The following PHACTR2 variants were observed in gnomAD, a reference collection of about 807,000 sequenced individuals.
The protein encoded by PHACTR2 is chromosome 6 open reading frame 56.
PHACTR2 carries 30 observed loss-of-function variants against 76.0 expected under a neutral mutation model. The ratio of observed to expected loss-of-function variants is 0.39; its 90% CI spans 0.30 to 0.54. The LOEUF (loss-of-function observed/expected upper bound fraction) is 0.54. Ranked by LOEUF, PHACTR2 falls within the 20% of genes least tolerant of loss-of-function variation. The pLI is 0.61. For synonymous variants in PHACTR2, 292 were observed against 292.5 expected (o/e 1.00, Z 0.02); for missense variants, 696 against 781.1 (o/e 0.89, Z 1.30).
rs891330214 is a variant in PHACTR2 at position 143,801,327 on chromosome 6, G to C, written c.1846-5730G>C. Reference sequence around the variant, plus strand: ...GGTTCTATTCTCCCCATCACTTTCAGGTACACCAATCAAACGTAGATTTGG... The same window carrying C: ...GGTTCTATTCTCCCCATCACTTTCACGTACACCAATCAAACGTAGATTTGG... On this transcript the variant is annotated intron_variant, in intron 11 of 12. Coordinates refer to ENST00000440869, the MANE Select transcript of PHACTR2 (RefSeq NM_001100164.2). The surrounding 1 kb of genome is among the most constrained non-coding windows in gnomAD (Gnocchi z 4.6). Among the ~76,000 whole-genome samples, 1 of 152,118 alleles carries C rather than the reference G, an allele frequency of 6.6e-6. No homozygotes were observed. Among genetic ancestry groups the C allele is most frequent in the Admixed American group, 6.5e-5 (1 of 15,270 alleles).
chr6:143,735,875 C>T (rs1778806031), intron 2 of PHACTR2, among the ~76,000 whole-genome samples: 1 of 151,876 alleles, frequency 6.6e-6, no homozygotes, highest in Non-Finnish European at 1.5e-5. Context: ...GTAGTTTTTC[C>T]TAAAAAAATT....
upstream of PHACTR2, among the ~76,000 whole-genome samples, chr6:143,606,105 C>G (rs1373564065): frequency 6.6e-6 from 1 of 152,066 alleles, no homozygotes; most frequent in African/African-American, 2.4e-5. Flanking sequence ...ATGAATCACT[C>G]CTAGCAGGAT....
At position 143,658,352 on chromosome 6, in the gene PHACTR2, A is replaced by G. The variant is rs1776886527; in HGVS notation, c.13+50030A>G. On this transcript the variant is annotated intron_variant, in intron 1 of 11. Coordinates refer to the PHACTR2 transcript ENST00000305766. This position sits in a 1 kb window ranked among gnomAD's most constrained non-coding sequence, Gnocchi z 4.1. ...AACTTAACCTGAAGTTGACCTCCTTAATGATAAGGTTCTCCTGTGCAGTAT... is the reference window on the plus strand; with the variant it reads ...AACTTAACCTGAAGTTGACCTCCTTGATGATAAGGTTCTCCTGTGCAGTAT... 6.6e-6 allele frequency among the ~76,000 whole-genome samples: 1 copy of G among 152,206 alleles called. No individual in the cohort carries two copies. The highest frequency in any genetic ancestry group is 2.1e-4 in the South Asian group (1 of 4,832).
rs1417996314 is a variant in PHACTR2 at position 143,775,370 on chromosome 6, T to C, written c.1589+1155T>C. 6.6e-6 allele frequency among the ~76,000 whole-genome samples: 1 copy of C among 152,164 alleles called. No homozygotes were observed. The highest frequency in any genetic ancestry group is 1.9e-4 in the East Asian group (1 of 5,202). On this transcript the variant is annotated intron_variant, in intron 8 of 12. Transcript: ENST00000440869. This position sits in a 1 kb window ranked among gnomAD's most constrained non-coding sequence, Gnocchi z 4.4. The stretch of plus-strand genomic sequence containing the variant: ...TCGTCTTCTTAATTCAGCCCTAACC[T>C]GTGACCATTTCTGGCTTCGGGAAAA...
intron 2 of PHACTR2, among the ~76,000 whole-genome samples, chr6:143,729,228 A>G (rs367640720): frequency 3.9e-5 from 6 of 152,060 alleles, no homozygotes; most frequent in African/African-American, 1.4e-4. Context: ...ATTTCTTTAT[A>G]TATTCTAGAT....
Position 143,795,894 on chromosome 6 carries a change from T to A in PHACTR2, c.1845+6984T>A, listed in dbSNP as rs960370309. Among the ~76,000 whole-genome samples the A allele has an allele frequency of 2.0e-5, 3 of 152,232 alleles. No individual in the cohort carries two copies. Among genetic ancestry groups the A allele is most frequent in the Non-Finnish European group, 2.9e-5 (2 of 68,034 alleles). On this transcript the variant is annotated intron_variant, in intron 11 of 12. Coordinates refer to ENST00000440869, the MANE Select transcript of PHACTR2 (RefSeq NM_001100164.2). This position sits in a 1 kb window ranked among gnomAD's most constrained non-coding sequence, Gnocchi z 4.8. Reference sequence around the variant, plus strand: ...GTCAGGGATGAGAAGCCAAGCTTTGTTCCCCATTGGTGATATTTTCACCGT... The same window carrying A: ...GTCAGGGATGAGAAGCCAAGCTTTGATCCCCATTGGTGATATTTTCACCGT...
intron 1 of PHACTR2, among the ~76,000 whole-genome samples, chr6:143,603,077 G>A (rs773957458): frequency 3.3e-4 from 49 of 149,642 alleles, no homozygotes; most frequent in African/African-American, 1.1e-3. Flanking sequence ...TCCATGAGAC[G>A]GAGGCTGCAG....
At chr6:143,634,784 C>T (rs571271808) in intron 1 of PHACTR2, among the ~76,000 whole-genome samples, 1 of 152,192 alleles carries the variant, frequency 6.6e-6, no homozygotes, top group African/African-American at 2.4e-5. Flanking sequence ...ATTTGCTCAC[C>T]GTCTATGGCT....
At chr6:143,545,554 T>G (rs1402085102) in intron 1 of PHACTR2, among the ~76,000 whole-genome samples, 3 of 152,160 alleles carry the variant, frequency 2.0e-5, no homozygotes, top group African/African-American at 7.2e-5. Flanking sequence ...GAGAGAACAG[T>G]GTATCAGCTC....
intron 1 of PHACTR2, among the ~76,000 whole-genome samples, chr6:143,705,622 G>T (rs1778035848): frequency 6.6e-6 from 1 of 152,114 alleles, no homozygotes; most frequent in Non-Finnish European, 1.5e-5. Context: ...GAGATGTACT[G>T]GTCAGGTATT....
In PHACTR2 at chr6:143,813,414, T is replaced by C. The variant is rs570489241; in HGVS notation, c.1922+6281T>C. ...GTCGGTGGATCACGAGGTCAGGAGA[T>C]TGAGATCATCCTGGCTAACACGGTG... is the stretch of plus-strand genomic sequence containing the variant. On this transcript the variant is annotated intron_variant, in intron 12 of 12. Coordinates refer to ENST00000440869, the MANE Select transcript of PHACTR2 (RefSeq NM_001100164.2). 3.9e-5 allele frequency among the ~76,000 whole-genome samples: 6 copies of C among 152,052 alleles called. No homozygotes were observed. The South Asian group carries it at 1.0e-3, about 26-fold the overall frequency.
intron 1 of PHACTR2, among the ~76,000 whole-genome samples, chr6:143,544,304 G>A (rs1180715422): frequency 6.9e-6 from 1 of 144,732 alleles, no homozygotes; most frequent in South Asian, 2.2e-4. Context: ...TTTGATTCAA[G>A]AAGTTTGTTA....
intron 1 of PHACTR2, among the ~76,000 whole-genome samples, chr6:143,601,894 A>G (rs1042348287): frequency 6.6e-6 from 1 of 152,294 alleles, no homozygotes; most frequent in Admixed American, 6.5e-5. Flanking sequence ...TTTTTAAAAA[A>G]TTTTTAATTA....
At position 143,765,387 on chromosome 6, in the gene PHACTR2, C is replaced by A; in HGVS notation, c.821C>A (p.Thr274Asn). 1.9e-6 allele frequency: 3 copies of A among 1,614,190 alleles called. No homozygotes were observed. Among genetic ancestry groups the A allele is most frequent in the Non-Finnish European group, 8.5e-7 (1 of 1,180,032 alleles). Residue 274 changes from threonine to asparagine, a missense_variant, in exon 6 of 13, where the codon ACC (threonine) becomes AAC (asparagine). Thr to Asn is a moderately conservative substitution (Grantham distance 65). Coordinates refer to ENST00000440869, the MANE Select transcript of PHACTR2 (RefSeq NM_001100164.2). The surrounding 1 kb of genome is among the most constrained non-coding windows in gnomAD (Gnocchi z 4.1). Reference protein sequence around the residue: ...TVSSKAGTVGTTKGKRKTDKQ... With the variant: ...TVSSKAGTVGNTKGKRKTDKQ... ...TCTAGCAAAGCAGGGACAGTGGGGA[C>A]CACCAAGGGCAAGAGAAAAACTGAC...
intron 1 of PHACTR2, among the ~76,000 whole-genome samples, chr6:143,555,467 T>C (rs188639763): frequency 6.1e-4 from 93 of 152,280 alleles, no homozygotes; most frequent in African/African-American, 2.1e-3. Context: ...CAATCCTTGG[T>C]ATTAATTCTG....
chr6:143,618,256 A>ACTTCCTGCTCCAAAC lies in PHACTR2; in HGVS notation c.13+9934_13+9935insCTTCCTGCTCCAAAC. On this transcript the variant is annotated intron_variant, in intron 1 of 11. Coordinates refer to the PHACTR2 transcript ENST00000305766. This position sits in a 1 kb window ranked among gnomAD's most constrained non-coding sequence, Gnocchi z 5.2. Reference sequence around the variant, plus strand: ...GTTCCACCTTGTACTTCCTGCTCCAAACACACACACACACACACACACACA... The same window carrying ACTTCCTGCTCCAAAC: ...GTTCCACCTTGTACTTCCTGCTCCAACTTCCTGCTCCAAACACACACACACACACACACACACACA... Among the ~76,000 whole-genome samples, 1 of 145,216 alleles carries ACTTCCTGCTCCAAAC rather than the reference A, an allele frequency of 6.9e-6. No homozygotes were observed. The highest frequency in any genetic ancestry group is 1.5e-5 in the Non-Finnish European group (1 of 66,186).
intron 2 of PHACTR2, among the ~76,000 whole-genome samples, chr6:143,728,903 A>G (rs1204477278): frequency 2.0e-5 from 3 of 152,216 alleles, no homozygotes; most frequent in Non-Finnish European, 4.4e-5. Context: ...ACATAGGAGA[A>G]ACACTCTAGA....
chr6:143,774,323 T>A lies in PHACTR2; in HGVS notation c.1589+108T>A. The A allele has an allele frequency of 2.6e-6, 2 of 763,448 alleles. No homozygotes were observed. Among genetic ancestry groups the A allele is most frequent in the Non-Finnish European group, 4.1e-6 (2 of 487,240 alleles). 47.3% of individuals were successfully genotyped at this position (763,448 alleles called of 1,614,324 possible). A position where few individuals can be genotyped will look rare whatever the true frequency, so the allele number is the denominator to read the frequency against. ...TGAATTCCTTATGTACAGATACATC[T>A]GGCCTACTGGGTCTTTTAAAGTTGG... On this transcript the variant is annotated intron_variant, in intron 8 of 12. Coordinates refer to ENST00000440869, the MANE Select transcript of PHACTR2 (RefSeq NM_001100164.2). The surrounding 1 kb of genome is among the most constrained non-coding windows in gnomAD (Gnocchi z 5.4).
At chr6:143,670,230 T>G (rs1394931210) in intron 1 of PHACTR2, among the ~76,000 whole-genome samples, 1 of 152,246 alleles carries the variant, frequency 6.6e-6, no homozygotes, top group Non-Finnish European at 1.5e-5. Flanking sequence ...TCTGATGGGC[T>G]TCTTTTTGTG....
Sources: gnomAD v4.1 joint callset for allele counts (sites outside exome capture counted in the v4.1 genomes callset) on GRCh38, gnomAD v4.1.1 for gene constraint, Gnocchi (gnomAD v3.1) non-coding constraint, MANE v1.5 for transcripts, NCBI Gene and HGNC (gene_info 2026-07-23, HGNC 2026-07-21) for gene names.